The following USP4 variants were observed in gnomAD, a reference collection of about 807,000 sequenced individuals.
USP4 encodes the protein ubiquitin carboxyl-terminal hydrolase 4.
A neutral mutation model predicts 118.2 loss-of-function variants in USP4; 72 were observed. The ratio of observed to expected loss-of-function variants is 0.61; its 90% CI spans 0.50 to 0.74. The LOEUF is 0.74. USP4 is among the 30% of genes least tolerant of loss of function. USP4 has a pLI of 0.00. For synonymous variants in USP4, 415 were observed against 440.4 expected, an observed-to-expected ratio of 0.94 and a Z score of 0.72; for missense variants, 1,037 against 1,185.7, an observed-to-expected ratio of 0.87 and a Z score of 1.84.
intron 2 of USP4, among the ~76,000 whole-genome samples, chr3:49,330,751 C>T (rs2047608629): frequency 6.6e-6 from 1 of 151,882 alleles, no homozygotes; most frequent in African/African-American, 2.4e-5. Flanking sequence ...TGGCTCCCAC[C>T]TGTAATCCCA....
intron 12 of USP4, among the ~76,000 whole-genome samples, chr3:49,298,315 G>A (rs2047229660): frequency 6.6e-6 from 1 of 152,172 alleles, no homozygotes; most frequent in Non-Finnish European, 1.5e-5. Context: ...CCTACTCCTG[G>A]TCCTTTGACC....
chr3:49,296,201 C>T lies in USP4; in HGVS notation c.1692-1603G>A, dbSNP rs542988830. ...AAAAAATTGGCCAGGTGTGGTGGCA[C>T]GCGCCTGTAGTCCCAGCTACTCAGG... On this transcript the variant is annotated intron_variant, in intron 13 of 21. Coordinates refer to ENST00000265560, the MANE Select transcript of USP4 (RefSeq NM_003363.4). Among the ~76,000 whole-genome samples, 159 of 151,394 alleles carry T rather than the reference C, an allele frequency of 1.1e-3. 1 individual carries two copies. The highest frequency in any genetic ancestry group is 2.0e-3 in the Non-Finnish European group (139 of 67,842).
chr3:49,297,783 C>A, intron 13 of USP4, 87 bp downstream of exon 13: 2 of 1,135,938 alleles, frequency 1.8e-6, no homozygotes, highest in Non-Finnish European at 2.6e-6. Flanking sequence ...TGACTGCCCA[C>A]ATTTTTGTTC....
At position 49,277,809 on chromosome 3, in the gene USP4, T is replaced by A. The variant is rs146164304; in HGVS notation, c.*484A>T. 2 of 224,858 alleles carry A rather than the reference T, an allele frequency of 8.9e-6. No individual in the cohort carries two copies. Among genetic ancestry groups the A allele is most frequent in the African/African-American group, 4.5e-5 (2 of 44,516 alleles). 13.9% of individuals were successfully genotyped at this position (224,858 alleles called of 1,614,324 possible). On this transcript the variant is annotated 3_prime_UTR_variant, in exon 22 of 22. Coordinates refer to ENST00000265560, the MANE Select transcript of USP4 (RefSeq NM_003363.4). ...TCAGTGGGTAACTTTCAGAAAATTA[T>A]AAACCCATATCAGTGCACATAGCGA... is the stretch of plus-strand genomic sequence containing the variant.
chr3:49,291,547 A>G (rs866044604), intron 15 of USP4, among the ~76,000 whole-genome samples: 15 of 148,052 alleles, frequency 1.0e-4, no homozygotes, highest in African/African-American at 3.7e-4. Flanking sequence ...GCGCTCCTGC[A>G]TGGGCGACAG....
At chr3:49,317,342 G>C (rs1313552320) in intron 6 of USP4, 3 of 1,262,078 alleles carry the variant, frequency 2.4e-6, no homozygotes, top group Admixed American at 2.0e-5. Flanking sequence ...TGCAGCCGCT[G>C]TTTCTTGTCC....
At position 49,284,904 on chromosome 3, in the gene USP4, G is replaced by A. The variant is rs1042815898; in HGVS notation, c.2216C>T (p.Ala739Val). ...LLKLNSRSTL[A>V]MDWDSETRRL... ...CCGAGTTTCACTGTCCCAATCCATG[G>A]CCAGTGTAGATCGAGCTGAGGAGGA... Residue 739 changes from alanine (A) to valine (V), a missense_variant, in exon 17 of 22, where the codon GCC (alanine) becomes GTC (valine). By Grantham distance (64) the Ala-to-Val change is moderately conservative (BLOSUM62 0). Transcript: ENST00000265560. 3 of 1,613,092 alleles carry A rather than the reference G, an allele frequency of 1.9e-6. No homozygotes were observed. The highest frequency in any genetic ancestry group is 2.5e-6 in the Non-Finnish European group (3 of 1,179,530).
chr3:49,339,187 T>C (rs1388567457), intron 1 of USP4, among the ~76,000 whole-genome samples: 1 of 152,144 alleles, frequency 6.6e-6, no homozygotes, highest in East Asian at 1.9e-4. Context: ...ACAATCATAC[T>C]CGATGCAAAG....
At chr3:49,284,164 G>A (rs369554685) in intron 18 of USP4, 28 bp from the exon 19 acceptor site, 197 of 1,613,434 alleles carry the variant, frequency 1.2e-4, no homozygotes, top group Non-Finnish European at 1.5e-4. Flanking sequence ...CACTTAGCAG[G>A]GCAAGCCGGC....
At chr3:49,303,576 T>G (rs1279514647) in intron 9 of USP4, among the ~76,000 whole-genome samples, 1 of 151,418 alleles carries the variant, frequency 6.6e-6, no homozygotes, top group East Asian at 1.9e-4. Context: ...AGTTCCTCGG[T>G]CAAATGAACC....
chr3:49,282,861 C>T (rs745779080), intron 19 of USP4, among the ~76,000 whole-genome samples: 6 of 151,788 alleles, frequency 4.0e-5, no homozygotes, highest in Non-Finnish European at 7.4e-5. Flanking sequence ...GCGTGCACCA[C>T]CACATCCAGC....
chr3:49,298,713 TA>T, intron 11 of USP4, 78 bp from the exon 12 acceptor site: 4 of 1,290,290 alleles, frequency 3.1e-6, no homozygotes, highest in Non-Finnish European at 4.5e-6. Flanking sequence ...CAGGCATCAC[TA>T]GGGGCAGAGG....
At chr3:49,294,687 A>G (rs964379040) in intron 13 of USP4, 89 bp from the exon 14 acceptor site, 4 of 1,282,514 alleles carry the variant, frequency 3.1e-6, no homozygotes, top group Non-Finnish European at 4.4e-6. Context: ...GGCCAGGGCT[A>G]TGATTACTGG....
chr3:49,325,251 G>C lies in USP4; in HGVS notation c.488-212C>G, dbSNP rs370882188. Among the ~76,000 whole-genome samples, 93 of 152,130 alleles carry C rather than the reference G, an allele frequency of 6.1e-4. 3 individuals are homozygous for C. In the South Asian group the frequency reaches 0.019, roughly 31 times the overall value. Reference sequence around the variant, plus strand: ...TCCCTATGCTTCTTTGCTAACGTGTGTCTCTCATTTATGGCGCAAAAGCAA... The same window carrying C: ...TCCCTATGCTTCTTTGCTAACGTGTCTCTCTCATTTATGGCGCAAAAGCAA... On this transcript the variant is annotated intron_variant, in intron 4 of 21. Transcript: ENST00000265560.
intron 8 of USP4, among the ~76,000 whole-genome samples, chr3:49,306,971 A>G (rs1248709928): frequency 6.6e-6 from 1 of 151,574 alleles, no homozygotes; most frequent in African/African-American, 2.4e-5. Context: ...TTTAGTAGAG[A>G]TGGGGTTTCT....
At chr3:49,282,890 T>C (rs1024356570) in intron 19 of USP4, among the ~76,000 whole-genome samples, 2 of 151,430 alleles carry the variant, frequency 1.3e-5, no homozygotes, top group Admixed American at 1.3e-4. Flanking sequence ...GTAGTTTTAC[T>C]GGAGACAGGA....
intron 2 of USP4, among the ~76,000 whole-genome samples, chr3:49,329,325 G>T (rs770148037): frequency 7.2e-5 from 11 of 152,130 alleles, no homozygotes; most frequent in Middle Eastern, 3.2e-3. Flanking sequence ...TCATCCGTAA[G>T]TGTTGGAATG....
Position 49,339,904 on chromosome 3 carries a change from A to G in USP4, c.101+20T>C. 2 of 1,606,842 alleles carry G rather than the reference A, an allele frequency of 1.2e-6. No individual in the cohort carries two copies. Among genetic ancestry groups the G allele is most frequent in the Non-Finnish European group, 1.7e-6 (2 of 1,175,140 alleles). The stretch of plus-strand genomic sequence containing the variant: ...TCGGCCCCTGGTTCTGCATAGAGGA[A>G]GAGCGAGCCGGGAGCTCACCACTGC... On this transcript the variant is annotated intron_variant, in intron 1 of 21. Transcript: ENST00000265560.
chr3:49,315,304 T>C (rs1384242166), intron 6 of USP4, among the ~76,000 whole-genome samples: 4 of 152,142 alleles, frequency 2.6e-5, no homozygotes, highest in Non-Finnish European at 5.9e-5. Context: ...ACTATGATCA[T>C]GCCATTGCAT....
Sources: gnomAD v4.1 joint callset for allele counts (sites outside exome capture counted in the v4.1 genomes callset) on GRCh38, gnomAD v4.1.1 for gene constraint, MANE v1.5 for transcripts, NCBI Gene and HGNC (gene_info 2026-07-23, HGNC 2026-07-21) for gene names.